The following DPP6 variants were observed in gnomAD, a reference collection of about 807,000 sequenced individuals.
DPP6 encodes dipeptidyl peptidase like 6.
A neutral mutation model predicts 122.6 loss-of-function variants in DPP6; 69 were observed. The observed-to-expected ratio is 0.56, with a 90% CI of 0.46 to 0.69. DPP6 has a LOEUF of 0.69. Among genes scored for constraint, DPP6 ranks in the 30% least tolerant of loss-of-function variants. The probability of loss-of-function intolerance (pLI) is 0.00; values close to 1 mark genes in which losing one functional copy is unlikely to be tolerated. For synonymous variants in DPP6, 418 were observed against 433.1 expected, an observed-to-expected ratio of 0.97 and a Z score of 0.43; for missense variants, 928 against 1,116.9, an observed-to-expected ratio of 0.83 and a Z score of 2.41.
the DPP6 span, among the ~76,000 whole-genome samples, chr7:153,763,536 A>T: frequency 6.6e-6 from 1 of 152,196 alleles, no homozygotes; most frequent in East Asian, 1.9e-4. Context: ...GGCGAGAGAC[A>T]AAAGGGAACA....
chr7:154,461,848 T>G (rs1351608534), intron 2 of DPP6, among the ~76,000 whole-genome samples: 1 of 152,234 alleles, frequency 6.6e-6, no homozygotes, highest in Non-Finnish European at 1.5e-5. Flanking sequence ...TTTCCTTTGC[T>G]GTGCATTTTA....
chr7:153,781,878 T>C, the DPP6 span, among the ~76,000 whole-genome samples: 2 of 151,748 alleles, frequency 1.3e-5, no homozygotes, highest in Non-Finnish European at 2.9e-5. Context: ...ATGTTGTTAC[T>C]GTTTTAAATC....
chr7:154,044,117 G>T (rs1799901648), intron 1 of DPP6, among the ~76,000 whole-genome samples: 2 of 152,194 alleles, frequency 1.3e-5, no homozygotes, highest in Admixed American at 1.3e-4. Flanking sequence ...GCAGGCTCAT[G>T]TGACTGGTGG....
the DPP6 span, among the ~76,000 whole-genome samples, chr7:153,806,041 G>C: frequency 6.6e-6 from 1 of 151,674 alleles, no homozygotes; most frequent in Admixed American, 6.6e-5. Flanking sequence ...TTCCTCCCTC[G>C]TTTCATCTGG....
chr7:154,254,934 G>A (rs1040706499), intron 1 of DPP6, among the ~76,000 whole-genome samples: 12 of 151,998 alleles, frequency 7.9e-5, no homozygotes, highest in African/African-American at 2.2e-4. Flanking sequence ...AAAAGGAAAC[G>A]CAAATTGTAT....
At chr7:154,261,568 G>A (rs763201502) in intron 1 of DPP6, among the ~76,000 whole-genome samples, 8 of 152,190 alleles carry the variant, frequency 5.3e-5, no homozygotes, top group Admixed American at 1.3e-4. Context: ...GAGCTTTTGC[G>A]GGGCAAAAGG....
At chr7:154,240,059 T>C (rs1801490021) in intron 1 of DPP6, among the ~76,000 whole-genome samples, 2 of 146,352 alleles carry the variant, frequency 1.4e-5, no homozygotes, top group East Asian at 4.1e-4. Flanking sequence ...GATTTTCAGC[T>C]GCTCGGAGGT....
the DPP6 span, among the ~76,000 whole-genome samples, chr7:153,819,141 G>T: frequency 2.2e-4 from 27 of 120,124 alleles, no homozygotes; most frequent in East Asian, 5.6e-3. Flanking sequence ...TATAGGTAAA[G>T]GGTAAACTCA....
chr7:154,099,669 AG>A (rs1805593676), intron 1 of DPP6, among the ~76,000 whole-genome samples: 1 of 141,996 alleles, frequency 7.0e-6, no homozygotes, highest in South Asian at 2.5e-4. Flanking sequence ...AGCATGACGA[AG>A]TCCATCGTGG....
In DPP6 at chr7:154,892,387, G is replaced by A; in HGVS notation, c.2505G>A (p.Leu835=). ...CCAGCTCCAGCCTCAAACAGCATCT[G>A]TACCGGTCCATCATCAACTTCTTCG... ...YFTSSSLKQH[L]YRSIINFFVE... is the part of the protein sequence containing the mutation. Residue 835 remains leucine (L), a synonymous_variant, in exon 26 of 26, where the codon CTG becomes CTA. Coordinates refer to ENST00000377770, the MANE Select transcript of DPP6 (RefSeq NM_130797.4). 5 of 1,614,042 alleles carry A rather than the reference G, an allele frequency of 3.1e-6. No individual in the cohort carries two copies. Among genetic ancestry groups the A allele is most frequent in the Non-Finnish European group, 4.2e-6 (5 of 1,179,908 alleles).
At chr7:154,795,097 G>T (rs1797961007) in intron 11 of DPP6, among the ~76,000 whole-genome samples, 1 of 152,088 alleles carries the variant, frequency 6.6e-6, no homozygotes, top group African/African-American at 2.4e-5. Flanking sequence ...TGCTTGAGGG[G>T]AAGGAAGGAA....
At chr7:153,881,295 G>C in the DPP6 span, among the ~76,000 whole-genome samples, 1 of 152,200 alleles carries the variant, frequency 6.6e-6, no homozygotes, top group African/African-American at 2.4e-5. Context: ...CTAGCTATAA[G>C]ATGATTGATT....
chr7:154,321,209 C>T (rs977733442), intron 1 of DPP6, among the ~76,000 whole-genome samples: 5 of 151,120 alleles, frequency 3.3e-5, no homozygotes, highest in Non-Finnish European at 5.9e-5. Context: ...CCCAAAAGAT[C>T]GAGGCTGCAG....
At chr7:154,369,279 G>A (rs1197835888) in intron 1 of DPP6, among the ~76,000 whole-genome samples, 1 of 151,804 alleles carries the variant, frequency 6.6e-6, no homozygotes, top group African/African-American at 2.4e-5. Context: ...ATTTTTAGTA[G>A]AGATGAGGTT....
intron 1 of DPP6, among the ~76,000 whole-genome samples, chr7:153,999,452 C>T (rs999964573): frequency 3.3e-5 from 5 of 152,140 alleles, no homozygotes; most frequent in Non-Finnish European, 7.4e-5. Context: ...TTTGTTTGAC[C>T]TTATGGGCAC....
At chr7:154,681,885 G>A (rs903804752) in intron 7 of DPP6, among the ~76,000 whole-genome samples, 2 of 152,106 alleles carry the variant, frequency 1.3e-5, no homozygotes, top group Non-Finnish European at 1.5e-5. Context: ...TTTTGCTTTT[G>A]AATAACTTTA....
intron 1 of DPP6, among the ~76,000 whole-genome samples, chr7:154,167,249 A>T (rs1003534668): frequency 2.6e-5 from 4 of 152,040 alleles, no homozygotes; most frequent in Admixed American, 1.3e-4. Context: ...CATTGAGGAG[A>T]GGGTGGGTAG....
At chr7:154,774,116 G>A (rs1796423112) in intron 10 of DPP6, among the ~76,000 whole-genome samples, 2 of 152,310 alleles carry the variant, frequency 1.3e-5, no homozygotes, top group African/African-American at 2.4e-5. Context: ...AGCCCTGCAT[G>A]GGTCTTCTCC....
At chr7:153,992,075 A>G (rs975535071) in intron 1 of DPP6, among the ~76,000 whole-genome samples, 1 of 152,164 alleles carries the variant, frequency 6.6e-6, no homozygotes, top group Non-Finnish European at 1.5e-5. Flanking sequence ...AAATGCATTT[A>G]TAAGGGTGGA....
Sources: gnomAD v4.1 joint callset for allele counts (sites outside exome capture counted in the v4.1 genomes callset) on GRCh38, gnomAD v4.1.1 for gene constraint, MANE v1.5 for transcripts, NCBI Gene and HGNC (gene_info 2026-07-23, HGNC 2026-07-21) for gene names.